UPP2: variants seen among roughly 807,000 people sequenced by gnomAD.
UPP2 encodes the protein UPase 2.
Under a neutral mutation model 26.7 loss-of-function variants are expected in UPP2, and 23 were observed. That is an observed-to-expected ratio of 0.86 (90% CI 0.62 to 1.22). The LOEUF is 1.22. UPP2 is among the 50% of genes most tolerant of loss of function. The probability of loss-of-function intolerance (pLI) is 0.00; values close to 1 mark genes in which losing one functional copy is unlikely to be tolerated. For synonymous variants in UPP2, 127 were observed against 141.3 expected, an observed-to-expected ratio of 0.90 and a Z score of 0.72; for missense variants, 387 against 396.7, an observed-to-expected ratio of 0.98 and a Z score of 0.21.
intron 4 of UPP2, 60 bp from the exon 5 acceptor site, chr2:158,121,349 A>G (rs954682674): frequency 4.9e-6 from 7 of 1,439,606 alleles, no homozygotes; most frequent in Middle Eastern, 3.5e-4. Context: ...GTTACATACT[A>G]TGTGTCAAAA....
intron 3 of UPP2, among the ~76,000 whole-genome samples, chr2:158,025,926 C>T (rs374393752): frequency 6.6e-6 from 1 of 152,126 alleles, no homozygotes; most frequent in Admixed American, 6.5e-5. Flanking sequence ...CACATCCTAC[C>T]CTCTCATTTC....
intron 2 of UPP2, chr2:158,015,753 A>C: frequency 2.2e-6 from 1 of 452,502 alleles, no homozygotes; most frequent in South Asian, 1.6e-5. Flanking sequence ...AGTGTGTGGC[A>C]CTTACCCCTT....
intron 3 of UPP2, among the ~76,000 whole-genome samples, chr2:158,071,406 C>G (rs1682537470): frequency 6.6e-6 from 1 of 151,922 alleles, no homozygotes; most frequent in Admixed American, 6.6e-5. Flanking sequence ...CAAATATTAG[C>G]TGGGCATGGT....
At chr2:158,056,460 T>A (rs1253179796) in intron 3 of UPP2, among the ~76,000 whole-genome samples, 1 of 152,220 alleles carries the variant, frequency 6.6e-6, no homozygotes, top group African/African-American at 2.4e-5. Context: ...CTGTAAAAAT[T>A]TTTGACAAAC....
intron 3 of UPP2, among the ~76,000 whole-genome samples, chr2:158,041,904 C>A (rs1239971994): frequency 6.6e-6 from 1 of 152,122 alleles, no homozygotes; most frequent in Non-Finnish European, 1.5e-5. Flanking sequence ...TTTCAAATGC[C>A]CTTGGTTGGG....
At chr2:158,006,244 G>C (rs1683485209) in intron 2 of UPP2, among the ~76,000 whole-genome samples, 1 of 152,172 alleles carries the variant, frequency 6.6e-6, no homozygotes, top group South Asian at 2.1e-4. Context: ...CAGATCACGA[G>C]GTCAGGAGAT....
chr2:158,070,062 T>A (rs1263557074), intron 3 of UPP2, among the ~76,000 whole-genome samples: 1 of 152,154 alleles, frequency 6.6e-6, no homozygotes, highest in Non-Finnish European at 1.5e-5. Context: ...AGCTTTTTCT[T>A]GGGTGTTCTA....
chr2:158,056,706 T>C (rs981696757), intron 3 of UPP2, among the ~76,000 whole-genome samples: 4 of 152,176 alleles, frequency 2.6e-5, no homozygotes, highest in Admixed American at 2.0e-4. Flanking sequence ...GGCCGTGAGA[T>C]TCTTAGAAGG....
At position 158,134,855 on chromosome 2, in the gene UPP2, A is replaced by G. The variant is rs1452048370; in HGVS notation, c.919A>G (p.Asn307Asp). The G allele has an allele frequency of 6.2e-7, 1 of 1,613,558 alleles. No individual in the cohort carries two copies. Among genetic ancestry groups the G allele is most frequent in the African/African-American group, 1.3e-5 (1 of 74,878 alleles). Residue 307 changes from asparagine to aspartate, a missense_variant, in exon 7 of 7, where the codon AAC (asparagine) becomes GAC (aspartate). Coordinates refer to ENST00000005756, the MANE Select transcript of UPP2 (RefSeq NM_173355.4). ...GCAACGGCCTCAGCTCCTAATCTCC[A>G]ACTTCATCAGACGGCGGCTTGGACT... ...YQQRPQLLIS[N>D]FIRRRLGLCD
At chr2:158,028,848 C>A (rs1453570445) in intron 3 of UPP2, among the ~76,000 whole-genome samples, 1 of 152,188 alleles carries the variant, frequency 6.6e-6, no homozygotes, top group African/African-American at 2.4e-5. Flanking sequence ...CTGATAAAAG[C>A]ATCAGATTTC....
chr2:158,115,057 T>C (rs776780551), intron 2 of UPP2, 44 bp from the exon 3 acceptor site: 2 of 1,535,896 alleles, frequency 1.3e-6, no homozygotes, highest in South Asian at 2.5e-5. Context: ...CCGTGGTTCT[T>C]ATCCCAGTTA....
intron 6 of UPP2, among the ~76,000 whole-genome samples, chr2:158,134,254 A>G (rs995487575): frequency 2.0e-5 from 3 of 152,256 alleles, no homozygotes; most frequent in Middle Eastern, 3.4e-3. Flanking sequence ...TCAGCGTTCT[A>G]TATCTCTTCT....
intron 3 of UPP2, among the ~76,000 whole-genome samples, chr2:158,091,106 C>T (rs1172616115): frequency 6.6e-6 from 1 of 152,208 alleles, no homozygotes; most frequent in Non-Finnish European, 1.5e-5. Context: ...ATGCTACCTA[C>T]ATGGTACCAA....
intron 2 of UPP2, among the ~76,000 whole-genome samples, chr2:158,003,238 T>C (rs1364214477): frequency 2.0e-5 from 3 of 151,836 alleles, no homozygotes; most frequent in Non-Finnish European, 4.4e-5. Context: ...CACAAGGTCT[T>C]GGAGGTTGTA....
intron 3 of UPP2, among the ~76,000 whole-genome samples, chr2:158,116,978 T>C (rs1364226270): frequency 6.6e-6 from 1 of 152,056 alleles, no homozygotes; most frequent in Non-Finnish European, 1.5e-5. Context: ...GAAAACATCA[T>C]GGTCACGGCC....
chr2:158,061,287 G>A (rs1172216048), intron 3 of UPP2, among the ~76,000 whole-genome samples: 1 of 152,170 alleles, frequency 6.6e-6, no homozygotes, highest in Non-Finnish European at 1.5e-5. Context: ...TCACACAGCT[G>A]GAGCCCAGAT....
rs532329861 is a variant in UPP2 at position 158,108,526 on chromosome 2, T to C, written c.180+2310T>C. ...CCAAGTATTAGTTTCTGGGAAATTATTGGGATGGAAAGCTTTGTTTTAGAG... is the reference window on the plus strand; with the variant it reads ...CCAAGTATTAGTTTCTGGGAAATTACTGGGATGGAAAGCTTTGTTTTAGAG... On this transcript the variant is annotated intron_variant, in intron 2 of 6. Transcript: ENST00000005756. 2.6e-5 allele frequency among the ~76,000 whole-genome samples: 4 copies of C among 152,226 alleles called. No homozygotes were observed. The South Asian group carries it at 6.2e-4, about 24-fold the overall frequency.
chr2:158,068,095 TG>T (rs1682466840), intron 3 of UPP2, among the ~76,000 whole-genome samples: 1 of 152,178 alleles, frequency 6.6e-6, no homozygotes, highest in African/African-American at 2.4e-5. Context: ...GAATTGGACA[TG>T]GCCTAACATT....
intron 2 of UPP2, among the ~76,000 whole-genome samples, chr2:158,013,837 T>C (rs550983423): frequency 6.6e-6 from 1 of 152,352 alleles, no homozygotes; most frequent in South Asian, 2.1e-4. Context: ...GGCTTGCTTG[T>C]GTGAACGACA....
Sources: gnomAD v4.1 joint callset for allele counts (sites outside exome capture counted in the v4.1 genomes callset) on GRCh38, gnomAD v4.1.1 for gene constraint, MANE v1.5 for transcripts, NCBI Gene and HGNC (gene_info 2026-07-23, HGNC 2026-07-21) for gene names.